MYH14: variants seen among roughly 807,000 people sequenced by gnomAD.
MYH14 encodes myosin-14.
A neutral mutation model predicts 255.5 loss-of-function variants in MYH14; 123 were observed. The observed-to-expected ratio is 0.48, with a 90% confidence interval of 0.42 to 0.56. The LOEUF is 0.56. Among genes scored for constraint, MYH14 ranks in the 20% least tolerant of loss-of-function variants. The pLI, the probability that MYH14 is intolerant of heterozygous loss-of-function variation, is 0.00. For synonymous variants in MYH14, 1,095 were observed against 1,161.2 expected (o/e 0.94, Z 1.16); for missense variants, 2,423 against 2,802.3 (o/e 0.86, Z 3.06).
chr19:50,298,974 C>T lies in MYH14; in HGVS notation c.5470-2687C>T, dbSNP rs139082414. Among the ~76,000 whole-genome samples, 582 of 152,190 alleles carry T rather than the reference C, an allele frequency of 3.8e-3. 2 individuals carry two copies. Among genetic ancestry groups the T allele is most frequent in the Non-Finnish European group, 6.4e-3 (435 of 68,024 alleles). ...GGCATGATGGTGTGCACCTGTAGTT[C>T]CAGCTAGTCAGGAGGCTGAGGCCGG... On this transcript the variant is annotated intron_variant, in intron 39 of 42. Transcript: ENST00000642316.
chr19:50,253,652 T>C (rs1420383235), intron 16 of MYH14, among the ~76,000 whole-genome samples: 1 of 152,084 alleles, frequency 6.6e-6, no homozygotes, highest in East Asian at 1.9e-4. Flanking sequence ...CCCATGAGTG[T>C]GACTGTCTTT....
chr19:50,293,818 T>A lies in MYH14; in HGVS notation c.5469+131T>A. 1 of 990,918 alleles carries A rather than the reference T, an allele frequency of 1.0e-6. No individual in the cohort carries two copies. The highest frequency in any genetic ancestry group is 1.4e-6 in the Non-Finnish European group (1 of 698,074). 61.4% of individuals were successfully genotyped at this position (990,918 alleles called of 1,614,324 possible). A position where few individuals can be genotyped will look rare whatever the true frequency, so the allele number is the denominator to read the frequency against. On this transcript the variant is annotated intron_variant, in intron 39 of 42. Coordinates refer to ENST00000642316, the MANE Select transcript of MYH14 (RefSeq NM_001145809.2). The surrounding 1 kb of genome is among the most constrained non-coding windows in gnomAD (Gnocchi z 4.1). The stretch of plus-strand genomic sequence containing the variant: ...GTTTTGAAGGTTGAATAGGAGTTCT[T>A]AAAAGGGTTGAAAGGCATGATTCAC...
At position 50,252,752 on chromosome 19, in the gene MYH14, C is replaced by T. The variant is rs189243324; in HGVS notation, c.1944C>T (p.Asp648=). The T allele has an allele frequency of 2.8e-4, 440 of 1,576,590 alleles. 2 individuals carry two copies. In the African/African-American group the frequency reaches 3.8e-3, roughly 14 times the overall value. Reference sequence around the variant, plus strand: ...GGCTGACGGCAGAGATCTGGAAAGACGGTGAGGACCCACTTCCCCCACCCC... The same window carrying T: ...GGCTGACGGCAGAGATCTGGAAAGATGGTGAGGACCCACTTCCCCCACCCC... The part of the protein sequence containing the change: ...TDRLTAEIWK[D]EHGGFQQFSF... The change falls in exon 16 of 43, where the codon GAC becomes GAT. Residue 648 remains aspartate (D), a splice_region_variant and synonymous_variant. Coordinates refer to ENST00000642316, the MANE Select transcript of MYH14 (RefSeq NM_001145809.2). This position sits in a 1 kb window ranked among gnomAD's most constrained non-coding sequence, Gnocchi z 4.2.
chr19:50,261,477 C>A lies in MYH14; in HGVS notation c.2427C>A (p.Ile809=). Residue 809 remains isoleucine (I), a splice_region_variant and synonymous_variant, in exon 21 of 43, where the codon ATC becomes ATA. Transcript: ENST00000642316. ...MDGKQACEKM[I]QALELDPNLY... is the part of the protein sequence containing the mutation. ...CACCCCTCTCCCACCCCTCACAGAT[C>A]CAGGCGCTGGAACTGGACCCCAACC... 3.0e-6 allele frequency: 4 copies of A among 1,333,666 alleles called. No individual in the cohort carries two copies. The highest frequency in any genetic ancestry group is 1.3e-5 in the South Asian group (1 of 76,564). 82.6% of individuals were successfully genotyped at this position (1,333,666 alleles called of 1,614,324 possible). A position where few individuals can be genotyped will look rare whatever the true frequency, so the allele number is the denominator to read the frequency against.
At chr19:50,224,715 G>A (rs1398490947) in intron 6 of MYH14, 1 of 442,526 alleles carries the variant, frequency 2.3e-6, no homozygotes, top group Non-Finnish European at 4.6e-6. Flanking sequence ...CCAAGGAGTA[G>A]CCTGGTGGGG....
intron 3 of MYH14, among the ~76,000 whole-genome samples, chr19:50,218,899 G>C (rs554005460): frequency 3.3e-5 from 5 of 151,588 alleles, no homozygotes; most frequent in African/African-American, 1.2e-4. Flanking sequence ...TTACAATAAT[G>C]GTCTCCAATT....
intron 3 of MYH14, among the ~76,000 whole-genome samples, chr19:50,222,459 G>A (rs560436631): frequency 5.1e-4 from 65 of 127,944 alleles, no homozygotes; most frequent in Non-Finnish European, 6.3e-4. Context: ...CAGCCTGGGC[G>A]ACAGAGCAAG....
At chr19:50,251,565 C>CATATATATAT (rs1568500688) in intron 15 of MYH14, among the ~76,000 whole-genome samples, 5 of 111,646 alleles carry the variant, frequency 4.5e-5, no homozygotes, top group African/African-American at 1.7e-4. Flanking sequence ...CACACACACA[C>CATATATATAT]ACACATATAT....
chr19:50,309,693 A>G lies in MYH14; in HGVS notation c.6014A>G (p.Glu2005Gly). The change falls in exon 43 of 43, where the codon GAG becomes GGG. Residue 2005 changes from glutamate to glycine, a missense_variant. By Grantham distance (98) the Glu-to-Gly change is moderately conservative. Coordinates refer to ENST00000642316, the MANE Select transcript of MYH14 (RefSeq NM_001145809.2). ...TRTVRQVFRL[E>G]EGVASDEEAE... Reference sequence around the variant, plus strand: ...ACGGTGCGCCAGGTCTTCCGACTAGAGGAGGGCGTGGCATCCGACGAGGAG... The same window carrying G: ...ACGGTGCGCCAGGTCTTCCGACTAGGGGAGGGCGTGGCATCCGACGAGGAG... The G allele has an allele frequency of 1.9e-6, 3 of 1,608,996 alleles. No homozygotes were observed. Among genetic ancestry groups the G allele is most frequent in the Non-Finnish European group, 2.5e-6 (3 of 1,178,192 alleles).
chr19:50,247,111 A>G lies in MYH14; in HGVS notation c.1318A>G (p.Thr440Ala), dbSNP rs747096231. 2 of 1,612,588 alleles carry G rather than the reference A, an allele frequency of 1.2e-6. No homozygotes were observed. The highest frequency in any genetic ancestry group is 2.2e-5 in the South Asian group (2 of 90,848). Residue 440 changes from threonine to alanine, a missense_variant, in exon 12 of 43, where the codon ACT becomes GCT. Coordinates refer to ENST00000642316, the MANE Select transcript of MYH14 (RefSeq NM_001145809.2). Reference protein sequence around the residue: ...VGRDYVQKAQTKEQADFALEA... With the variant: ...VGRDYVQKAQAKEQADFALEA... Reference sequence around the variant, plus strand: ...CCGAGACTATGTGCAGAAAGCCCAGACTAAGGAACAGGTAGGCGGGGCTGG... The same window carrying G: ...CCGAGACTATGTGCAGAAAGCCCAGGCTAAGGAACAGGTAGGCGGGGCTGG...
Position 50,276,635 on chromosome 19 carries a change from G to GAGCATAA in MYH14, c.3681-121_3681-115dup. 1 of 1,269,098 alleles carries GAGCATAA rather than the reference G, an allele frequency of 7.9e-7. No homozygotes were observed. The highest frequency in any genetic ancestry group is 1.1e-6 in the Non-Finnish European group (1 of 888,100). The allele number at this position is 1,269,098 out of a possible 1,614,324, so 78.6% of individuals were successfully genotyped here. A position where few individuals can be genotyped will look rare whatever the true frequency, so the allele number is the denominator to read the frequency against. Reference sequence around the variant, plus strand: ...AGCATCACCACCCAGATCTCCTGAGGAGCATAACATGAGGCCCTCATATTT... The same window carrying GAGCATAA: ...AGCATCACCACCCAGATCTCCTGAGGAGCATAAAGCATAACATGAGGCCCTCATATTT... On this transcript the variant is annotated intron_variant, in intron 28 of 42. Transcript: ENST00000642316. This position sits in a 1 kb window ranked among gnomAD's most constrained non-coding sequence, Gnocchi z 4.3.
chr19:50,270,294 G>A (rs1376997597), intron 24 of MYH14, among the ~76,000 whole-genome samples: 1 of 152,074 alleles, frequency 6.6e-6, no homozygotes, highest in Non-Finnish European at 1.5e-5. Flanking sequence ...CGAGGTTGGT[G>A]GATCACCTGA....
Position 50,281,581 on chromosome 19 carries a change from C to T in MYH14, c.4291-13C>T. On this transcript the variant is annotated splice_polypyrimidine_tract_variant and intron_variant, in intron 32 of 42. Coordinates refer to ENST00000642316, the MANE Select transcript of MYH14 (RefSeq NM_001145809.2). Reference sequence around the variant, plus strand: ...GCCGTGACCACCAACCACCCTCTCTCTCCTCCCCTCAGCTTTCCGAGTGGC... The same window carrying T: ...GCCGTGACCACCAACCACCCTCTCTTTCCTCCCCTCAGCTTTCCGAGTGGC... 1 of 1,568,286 alleles carries T rather than the reference C, an allele frequency of 6.4e-7. No homozygotes were observed.
In MYH14 at chr19:50,307,033, T is replaced by G. The variant is rs758030813; in HGVS notation, c.5679-16T>G. On this transcript the variant is annotated splice_polypyrimidine_tract_variant and intron_variant, in intron 40 of 42. Transcript: ENST00000642316. ...TGAGCCCCTCTACTGAGACTCCTCC[T>G]CATCCCTCTCTTCAGAGAGCGCATC... 18 of 1,539,410 alleles carry G rather than the reference T, an allele frequency of 1.2e-5. No homozygotes were observed. In the East Asian group the frequency reaches 3.9e-4, roughly 34 times the overall value.
In MYH14 at chr19:50,295,349, C is replaced by CA. The variant is rs34886374; in HGVS notation, c.5469+1670dup. Among the ~76,000 whole-genome samples the CA allele has an allele frequency of 8.9e-3, 1,315 of 147,096 alleles. 13 individuals are homozygous for CA. The highest frequency in any genetic ancestry group is 0.014 in the Non-Finnish European group (923 of 66,164). On this transcript the variant is annotated intron_variant, in intron 39 of 42. Transcript: ENST00000642316. ...CAAAACAAAAAACAAAAAAACAAAA[C>CA]AAAAAAAACAGGCCAGGTATGGTGG... is the stretch of plus-strand genomic sequence containing the variant.
At chr19:50,248,059 C>CA (rs10588130) in intron 12 of MYH14, among the ~76,000 whole-genome samples, 1,335 of 106,736 alleles carry the variant, frequency 0.013, 21 homozygotes, top group African/African-American at 0.042. Flanking sequence ...GACTCTGTCT[C>CA]AAAAAAAAAA....
At position 50,289,606 on chromosome 19, in the gene MYH14, TG is replaced by T; in HGVS notation, c.4924del (p.Asp1642MetfsTer15). 2 of 1,612,350 alleles carry T rather than the reference TG, an allele frequency of 1.2e-6. No individual in the cohort carries two copies. The highest frequency in any genetic ancestry group is 1.7e-6 in the Non-Finnish European group (2 of 1,179,470). On this transcript the variant is annotated frameshift_variant, in exon 35 of 43. Transcript: ENST00000642316. LOFTEE classifies it high-confidence loss of function. ...AGCATGAGCGTGACCTGCAGGGCCGTGATGAGGCTGGTGAAGAGAGGCGGAG... is the reference window on the plus strand; with the variant it reads ...AGCATGAGCGTGACCTGCAGGGCCGTATGAGGCTGGTGAAGAGAGGCGGAG... ...TQHERDLQGR[D>X]EAGEERRRQL...
chr19:50,283,409 C>T (rs1159988537), intron 33 of MYH14, among the ~76,000 whole-genome samples: 1 of 152,166 alleles, frequency 6.6e-6, no homozygotes, highest in African/African-American at 2.4e-5. Flanking sequence ...AGTAAGCTAC[C>T]GCACCCAGCC....
intron 24 of MYH14, among the ~76,000 whole-genome samples, chr19:50,269,018 A>G (rs1239400206): frequency 6.6e-6 from 1 of 152,222 alleles, no homozygotes; most frequent in Non-Finnish European, 1.5e-5. Context: ...GCAGTTTATA[A>G]AAACTAGATT....
Sources: gnomAD v4.1 joint callset for allele counts (sites outside exome capture counted in the v4.1 genomes callset) on GRCh38, gnomAD v4.1.1 for gene constraint, Gnocchi (gnomAD v3.1) non-coding constraint, MANE v1.5 for transcripts, NCBI Gene and HGNC (gene_info 2026-07-23, HGNC 2026-07-21) for gene names.